Variants in NBEA observed in about 807,000 individuals in gnomAD.
NBEA encodes neurobeachin.
A neutral mutation model predicts 343.4 loss-of-function variants in NBEA; 44 were observed. The ratio of observed to expected loss-of-function variants is 0.13; its 90% CI spans 0.10 to 0.16. The LOEUF (loss-of-function observed/expected upper bound fraction) is 0.16, where lower values mean the gene tolerates loss of function less well. Among genes scored for constraint, NBEA ranks in the 10% least tolerant of loss-of-function variants. NBEA has a pLI of 1.00. For synonymous variants in NBEA, 1,175 were observed against 1,238.7 expected (o/e 0.95, Z 1.08); for missense variants, 2,555 against 3,631.3 (o/e 0.70, Z 7.62).
chr13:35,436,432 C>T (rs986431431), intron 39 of NBEA, among the ~76,000 whole-genome samples: 4 of 152,058 alleles, frequency 2.6e-5, no homozygotes, highest in African/African-American at 7.2e-5. Flanking sequence ...CTGTGAAGGC[C>T]GGGCGCAGTG....
At chr13:35,295,338 G>A in intron 35 of NBEA, among the ~76,000 whole-genome samples, 1 of 151,654 alleles carries the variant, frequency 6.6e-6, no homozygotes, top group East Asian at 1.9e-4. Flanking sequence ...TATAGATTCT[G>A]TTTTTAGAAG....
At chr13:35,453,470 A>G (rs990201350) in intron 40 of NBEA, among the ~76,000 whole-genome samples, 2 of 152,210 alleles carry the variant, frequency 1.3e-5, no homozygotes, top group Admixed American at 1.3e-4. Context: ...CAGAGATTTT[A>G]TATGAGGCCA....
rs7327881 is a variant in NBEA, at chr13:35,612,421, G to A, written c.7449+5843G>A. ...TGCTGGGATTACAGGCGTGAGCCAC[G>A]GCGCCTGGCCTACAATTTTAATATA... is the stretch of plus-strand genomic sequence containing the variant. On this transcript the variant is annotated intron_variant, in intron 48 of 58. Coordinates refer to ENST00000379939, the MANE Select transcript of NBEA (RefSeq NM_001385012.1). Among the ~76,000 whole-genome samples, 280 of 152,036 alleles carry A rather than the reference G, an allele frequency of 1.8e-3. 6 individuals are homozygous for A. The East Asian group carries it at 0.043, about 23-fold the overall frequency.
At chr13:35,586,181 A>G (rs1000359342) in intron 46 of NBEA, among the ~76,000 whole-genome samples, 1 of 152,080 alleles carries the variant, frequency 6.6e-6, no homozygotes, top group Non-Finnish European at 1.5e-5. Flanking sequence ...CTTCGAAAAT[A>G]TTTTTTCCCT....
intron 6 of NBEA, among the ~76,000 whole-genome samples, chr13:35,050,882 A>C (rs1403065419): frequency 6.6e-6 from 1 of 151,908 alleles, no homozygotes; most frequent in African/African-American, 2.4e-5. Context: ...CAAGGAGAGG[A>C]ATGTTGCTGT....
chr13:35,439,858 T>A (rs1477417346), intron 39 of NBEA, among the ~76,000 whole-genome samples: 1 of 152,190 alleles, frequency 6.6e-6, no homozygotes, highest in Non-Finnish European at 1.5e-5. Context: ...ATTTTTTTAT[T>A]TAATTTATAC....
intron 39 of NBEA, among the ~76,000 whole-genome samples, chr13:35,442,465 G>C (rs150668457): frequency 6.6e-6 from 1 of 152,050 alleles, no homozygotes; most frequent in African/African-American, 2.4e-5. Flanking sequence ...GAGAGTCTGC[G>C]TTTACCGTCA....
At chr13:35,483,617 T>A (rs926036785) in intron 41 of NBEA, among the ~76,000 whole-genome samples, 7 of 152,086 alleles carry the variant, frequency 4.6e-5, no homozygotes, top group Non-Finnish European at 1.0e-4. Context: ...TTCAAATATT[T>A]TGTCTTTTTA....
intron 18 of NBEA, among the ~76,000 whole-genome samples, chr13:35,149,657 G>A (rs2152702785): frequency 6.6e-6 from 1 of 152,140 alleles, no homozygotes; most frequent in African/African-American, 2.4e-5. Context: ...CCTACTAACT[G>A]GTTTGGTCAA....
In NBEA at chr13:35,651,811, G is replaced by A. The variant is rs1174208729; in HGVS notation, c.7970G>A (p.Arg2657Lys). 15 of 1,536,886 alleles carry A rather than the reference G, an allele frequency of 9.8e-6. No individual in the cohort carries two copies. Residue 2657 changes from arginine to lysine, a missense_variant, in exon 53 of 59, where the codon AGA (arginine) becomes AAA (lysine). By Grantham distance (26) the Arg-to-Lys change is conservative (BLOSUM62 2). Around this residue, in one of 21 missense-constraint regions of NBEA, gnomAD observed 61 missense variants for 132.1 expected, o/e 0.46. Transcript: ENST00000379939. ...CTCTTTTTTTAATCTTTAGGCCTCA[G>A]AGGAGCTCCAGGATACTCCTTGGAT... ...VNRWHNTVGL[R>K]GAPGYSLDQA...
chr13:35,234,963 A>G (rs2075153788), intron 34 of NBEA, among the ~76,000 whole-genome samples: 1 of 152,188 alleles, frequency 6.6e-6, no homozygotes. Flanking sequence ...TTTCTCCTTC[A>G]ACTTTAATAT....
chr13:34,974,826 A>G (rs929216097), intron 1 of NBEA, among the ~76,000 whole-genome samples: 2 of 152,298 alleles, frequency 1.3e-5, no homozygotes, highest in Non-Finnish European at 2.9e-5. Flanking sequence ...GCAATATTCT[A>G]CCAGTTAGCA....
At position 34,942,900 on chromosome 13, in the gene NBEA, G is replaced by C. The variant is rs1040891220; in HGVS notation, c.80G>C (p.Gly27Ala). ...VGLIAVGAAG[G>A]GGGGSGGGGT... Reference sequence around the variant, plus strand: ...CTCATTGCCGTCGGGGCCGCTGGCGGAGGCGGCGGGGGCAGCGGTGGTGGC... The same window carrying C: ...CTCATTGCCGTCGGGGCCGCTGGCGCAGGCGGCGGGGGCAGCGGTGGTGGC... Residue 27 changes from glycine to alanine, a missense_variant, in exon 1 of 59, where the codon GGA becomes GCA. Around this residue, in one of 21 missense-constraint regions of NBEA, gnomAD observed 122 missense variants for 91.0 expected, o/e 1.34. Coordinates refer to ENST00000379939, the MANE Select transcript of NBEA (RefSeq NM_001385012.1). 6.8e-7 allele frequency: 1 copy of C among 1,474,490 alleles called. No homozygotes were observed. 91.3% of individuals were successfully genotyped at this position (1,474,490 alleles called of 1,614,324 possible). A position where few individuals can be genotyped will look rare whatever the true frequency, so the allele number is the denominator to read the frequency against.
At chr13:35,239,994 G>A (rs944123527) in intron 34 of NBEA, among the ~76,000 whole-genome samples, 16 of 151,140 alleles carry the variant, frequency 1.1e-4, no homozygotes, top group African/African-American at 3.1e-4. Context: ...AGCAGTTTGA[G>A]CATCCATAAA....
chr13:35,164,821 C>T (rs2069864114), intron 24 of NBEA, among the ~76,000 whole-genome samples: 2 of 152,198 alleles, frequency 1.3e-5, no homozygotes, highest in Non-Finnish European at 2.9e-5. Context: ...TGTTATTTAA[C>T]ATTTTCATTT....
chr13:34,963,219 C>T lies in NBEA; in HGVS notation c.294+20105C>T, dbSNP rs111245391. Among the ~76,000 whole-genome samples, 1,387 of 152,066 alleles carry T rather than the reference C, an allele frequency of 9.1e-3. 23 individuals are homozygous for T. The highest frequency in any genetic ancestry group is 0.032 in the African/African-American group (1,308 of 41,502). On this transcript the variant is annotated intron_variant, in intron 1 of 58. Transcript: ENST00000379939. ...AATTGTAATTTATTTTCTCACAGTT[C>T]TAGTGGCCGCAGGACTGGTTTCTTC...
intron 38 of NBEA, among the ~76,000 whole-genome samples, chr13:35,393,162 G>A (rs544549723): frequency 7.9e-5 from 12 of 152,110 alleles, no homozygotes; most frequent in Non-Finnish European, 1.8e-4. Context: ...GATAGCAATT[G>A]TAATAGATTA....
chr13:35,645,739 A>C lies in NBEA; in HGVS notation c.7618-130A>C, dbSNP rs181483548. The C allele has an allele frequency of 1.4e-3, 661 of 476,836 alleles. 3 individuals carry two copies. The highest frequency in any genetic ancestry group is 2.2e-3 in the Non-Finnish European group (597 of 268,686). 29.5% of individuals were successfully genotyped at this position (476,836 alleles called of 1,614,324 possible). A position where few individuals can be genotyped will look rare whatever the true frequency, so the allele number is the denominator to read the frequency against. Reference sequence around the variant, plus strand: ...TTGTAACAAAAGTTTTGTTATATTTAATAATTCTATAAAATCTTGGTGTTC... The same window carrying C: ...TTGTAACAAAAGTTTTGTTATATTTCATAATTCTATAAAATCTTGGTGTTC... On this transcript the variant is annotated intron_variant, in intron 49 of 58. Coordinates refer to ENST00000379939, the MANE Select transcript of NBEA (RefSeq NM_001385012.1).
intron 41 of NBEA, among the ~76,000 whole-genome samples, chr13:35,521,247 A>G (rs534645629): frequency 3.0e-4 from 46 of 152,184 alleles, no homozygotes; most frequent in African/African-American, 1.1e-3. Flanking sequence ...ACATCTGGTT[A>G]TTGTTCCCCT....
Sources: gnomAD v4.1 joint callset for allele counts (sites outside exome capture counted in the v4.1 genomes callset) on GRCh38, gnomAD v4.1.1 for gene constraint, gnomAD v4.1.1 regional missense constraint, MANE v1.5 for transcripts, NCBI Gene and HGNC (gene_info 2026-07-23, HGNC 2026-07-21) for gene names.